The following EYS variants were observed in gnomAD, a reference collection of about 807,000 sequenced individuals.
EYS encodes the protein protein eyes shut homolog.
A neutral mutation model predicts 282.1 loss-of-function variants in EYS; 250 were observed. That is an observed-to-expected ratio of 0.89 (90% CI 0.80 to 0.98). EYS has a LOEUF of 0.98. Among genes scored for constraint, EYS ranks in the 50% least tolerant of loss-of-function variants. The probability of loss-of-function intolerance (pLI) is 0.00; values close to 1 mark genes in which losing one functional copy is unlikely to be tolerated. For missense variants in EYS, 4,016 were observed against 3,709.0 expected (o/e 1.08, Z -2.15); for synonymous variants, 1,355 against 1,282.9 (o/e 1.06, Z -1.20).
At chr6:64,424,609 T>A (rs1774344202) in intron 28 of EYS, among the ~76,000 whole-genome samples, 2 of 152,208 alleles carry the variant, frequency 1.3e-5, no homozygotes, top group Admixed American at 1.3e-4. Context: ...TTGCATTTCT[T>A]CCCGTGCTAA....
chr6:64,841,048 AT>A (rs34104437), intron 19 of EYS, among the ~76,000 whole-genome samples: 4 of 151,922 alleles, frequency 2.6e-5, no homozygotes, highest in South Asian at 2.1e-4. Flanking sequence ...CTTTTTAAAT[AT>A]TTTTTTCTAA....
intron 16 of EYS, among the ~76,000 whole-genome samples, chr6:64,909,944 T>G (rs1432101055): frequency 6.6e-6 from 1 of 152,170 alleles, no homozygotes; most frequent in Non-Finnish European, 1.5e-5. Context: ...ACAGTCGCAT[T>G]GTTACTCTGG....
At chr6:64,516,920 A>C (rs1320514310) in intron 26 of EYS, among the ~76,000 whole-genome samples, 1 of 151,822 alleles carries the variant, frequency 6.6e-6, no homozygotes. Context: ...TATACAAAAC[A>C]TATTATATAA....
intron 2 of EYS, among the ~76,000 whole-genome samples, chr6:65,522,210 G>A (rs1486410732): frequency 6.6e-6 from 1 of 151,910 alleles, no homozygotes; most frequent in East Asian, 1.9e-4. Context: ...AATTTTTCTG[G>A]TAAATTGAAA....
rs904604158 is a variant in EYS, at chr6:64,997,644, C to G, written c.2197G>C (p.Asp733His). The part of the protein sequence containing the change: ...PGYVGIRCEQ[D>H]IDDCILNACE... ...GCATTCAGGATGCAGTCATCAATGT[C>G]CTGTTCACATCTTATCCCAACATAG... is the stretch of plus-strand genomic sequence containing the variant. The change falls in exon 14 of 43, where the codon GAC becomes CAC. Residue 733 changes from aspartate (D) to histidine (H), a missense_variant. Asp to His is a moderately conservative substitution (Grantham distance 81). Coordinates refer to ENST00000503581, the MANE Select transcript of EYS (RefSeq NM_001142800.2). The G allele has an allele frequency of 1.9e-6, 3 of 1,551,196 alleles. No homozygotes were observed. Among genetic ancestry groups the G allele is most frequent in the Admixed American group, 2.0e-5 (1 of 50,998 alleles).
At chr6:64,471,637 A>AT (rs1375640217) in intron 26 of EYS, among the ~76,000 whole-genome samples, 1 of 152,164 alleles carries the variant, frequency 6.6e-6, no homozygotes, top group Non-Finnish European at 1.5e-5. Context: ...AAGAATTAAT[A>AT]TTTTTTAAAT....
intron 26 of EYS, among the ~76,000 whole-genome samples, chr6:64,453,778 G>T (rs989510670): frequency 1.3e-5 from 2 of 152,022 alleles, no homozygotes; most frequent in African/African-American, 4.8e-5. Flanking sequence ...AACACCGCAT[G>T]TTCTCACTCG....
At chr6:65,700,553 T>C (rs931168209) in intron 1 of EYS, among the ~76,000 whole-genome samples, 3 of 152,232 alleles carry the variant, frequency 2.0e-5, no homozygotes, top group African/African-American at 7.2e-5. Flanking sequence ...TTCTTTATCC[T>C]ACTTCTTTAA....
intron 22 of EYS, among the ~76,000 whole-genome samples, chr6:64,704,469 AC>A (rs1401589919): frequency 7.6e-6 from 1 of 131,084 alleles, no homozygotes; most frequent in Non-Finnish European, 1.6e-5. Flanking sequence ...ATAATATAAT[AC>A]TTATAATTAT....
intron 1 of EYS, among the ~76,000 whole-genome samples, chr6:65,678,019 A>G (rs1004770167): frequency 2.6e-5 from 4 of 152,064 alleles, no homozygotes; most frequent in African/African-American, 9.7e-5. Context: ...TTAGTTGCCA[A>G]ATGGTTCTGC....
chr6:64,377,050 G>T (rs923202791), intron 29 of EYS, among the ~76,000 whole-genome samples: 1 of 151,974 alleles, frequency 6.6e-6, no homozygotes, highest in Non-Finnish European at 1.5e-5. Context: ...ACAGAATAAT[G>T]CCTGGCACAT....
intron 30 of EYS, among the ~76,000 whole-genome samples, chr6:64,299,896 G>C (rs1436455602): frequency 6.6e-6 from 1 of 152,106 alleles, no homozygotes; most frequent in African/African-American, 2.4e-5. Context: ...ACACAGAAGA[G>C]CCTAAAAAGG....
At chr6:63,727,737 A>AATATATATATATATATATATATATATAT (rs70999122) in intron 41 of EYS, among the ~76,000 whole-genome samples, 7 of 36,726 alleles carry the variant, frequency 1.9e-4, no homozygotes, top group African/African-American at 5.3e-4. Flanking sequence ...AAAAAAAAAA[A>AATATATATATATATATATATATATATAT]ATATATATAT....
intron 33 of EYS, among the ~76,000 whole-genome samples, chr6:64,041,544 C>G (rs1376060005): frequency 2.6e-5 from 4 of 151,954 alleles, no homozygotes; most frequent in Non-Finnish European, 4.4e-5. Flanking sequence ...TGTAGCCTGC[C>G]CTGGATTTGA....
chr6:64,710,746 A>T (rs1771183707), intron 22 of EYS, among the ~76,000 whole-genome samples: 1 of 152,252 alleles, frequency 6.6e-6, no homozygotes, highest in Non-Finnish European at 1.5e-5. Flanking sequence ...ACTTGCTCAA[A>T]GAGTGCTCTC....
intron 29 of EYS, among the ~76,000 whole-genome samples, chr6:64,380,891 T>A (rs1441182761): frequency 1.3e-5 from 2 of 151,924 alleles, no homozygotes; most frequent in Non-Finnish European, 2.9e-5. Flanking sequence ...GGTGGGTACC[T>A]GTAATCCCAG....
chr6:65,257,730 C>T (rs2150255812), intron 12 of EYS, among the ~76,000 whole-genome samples: 1 of 152,018 alleles, frequency 6.6e-6, no homozygotes, highest in South Asian at 2.1e-4. Flanking sequence ...GTTCTTTTGG[C>T]TTAGGACTGA....
chr6:64,636,381 A>C (rs1031222390), intron 22 of EYS, among the ~76,000 whole-genome samples: 3 of 152,222 alleles, frequency 2.0e-5, no homozygotes, highest in Non-Finnish European at 4.4e-5. Context: ...AAAACTGGCT[A>C]GCCATATGTA....
chr6:65,113,062 A>G (rs2150190210), intron 12 of EYS, among the ~76,000 whole-genome samples: 1 of 152,218 alleles, frequency 6.6e-6, no homozygotes, highest in East Asian at 1.9e-4. Context: ...CTCTCACATT[A>G]TAAGATTTAA....
Sources: gnomAD v4.1 joint callset for allele counts (sites outside exome capture counted in the v4.1 genomes callset) on GRCh38, gnomAD v4.1.1 for gene constraint, MANE v1.5 for transcripts, NCBI Gene and HGNC (gene_info 2026-07-23, HGNC 2026-07-21) for gene names.